DACH2: variants seen among roughly 807,000 people sequenced by gnomAD.
DACH2 encodes the protein dachshund family transcription factor 2, also known as dachshund homolog 2.
In DACH2, 17 loss-of-function variants were observed where a neutral mutation model predicts 35.8. The ratio of observed to expected loss-of-function variants is 0.48; its 90% CI spans 0.33 to 0.71. DACH2 has a LOEUF of 0.71. DACH2 is among the 30% of genes least tolerant of loss of function. The pLI is 0.02. For missense variants in DACH2, 469 were observed against 472.7 expected (o/e 0.99, Z 0.07); for synonymous variants, 195 against 177.3 (o/e 1.10, Z -0.79).
At chrX:86,647,972 T>C in intron 3 of DACH2, among the ~76,000 whole-genome samples, 1 of 111,017 alleles carries the variant, frequency 9.0e-6, no homozygotes, top group South Asian at 3.8e-4. Context: ...ATAATTACAG[T>C]GACTAGACAT....
intron 3 of DACH2, among the ~76,000 whole-genome samples, chrX:86,530,286 T>C (rs1296319432): frequency 8.9e-6 from 1 of 111,743 alleles, no homozygotes; most frequent in Non-Finnish European, 1.9e-5. Flanking sequence ...GATTTTCTGG[T>C]TTAAAAGTTT....
intron 5 of DACH2, among the ~76,000 whole-genome samples, chrX:86,712,382 T>A (rs5968975): frequency 0.28 from 30,712 of 110,566 alleles, 3,249 homozygotes; most frequent in East Asian, 0.48. Context: ...GAGTTCCACA[T>A]ACAAATGAGA....
intron 1 of DACH2, among the ~76,000 whole-genome samples, chrX:86,309,022 G>A (rs2034745969): frequency 9.0e-6 from 1 of 111,492 alleles, no homozygotes; most frequent in African/African-American, 3.3e-5. Context: ...GTAGGGTGAG[G>A]ACTAATTATG....
chrX:86,297,105 A>G (rs1295142568), intron 1 of DACH2, among the ~76,000 whole-genome samples: 1 of 107,082 alleles, frequency 9.3e-6, no homozygotes, highest in African/African-American at 3.4e-5. Context: ...AAACATTACA[A>G]TTGTACACAT....
intron 4 of DACH2, among the ~76,000 whole-genome samples, chrX:86,664,203 G>A (rs953152881): frequency 8.9e-6 from 1 of 111,812 alleles, no homozygotes; most frequent in Non-Finnish European, 1.9e-5. Context: ...ACTGAGCAAA[G>A]AACAAAGCAT....
intron 2 of DACH2, among the ~76,000 whole-genome samples, chrX:86,414,066 T>C (rs1024648447): frequency 1.5e-4 from 17 of 111,107 alleles, no homozygotes; most frequent in Middle Eastern, 4.6e-3. Context: ...ACTGCAAAAA[T>C]TGTCAGTAAG....
chrX:86,552,585 A>G (rs1038866849), intron 3 of DACH2, among the ~76,000 whole-genome samples: 6 of 112,101 alleles, frequency 5.4e-5, no homozygotes, highest in Non-Finnish European at 9.4e-5. Context: ...AAAAATTTGT[A>G]AGTAACAATG....
intron 2 of DACH2, among the ~76,000 whole-genome samples, chrX:86,429,247 A>G (rs2036943421): frequency 9.0e-6 from 1 of 111,653 alleles, no homozygotes; most frequent in Admixed American, 9.5e-5. Context: ...TAACAAAGTT[A>G]TATAGAGTGA....
At position 86,814,769 on chromosome X, in the gene DACH2, G is replaced by A. The variant is rs1473130495; in HGVS notation, c.1619G>A (p.Arg540Gln). 1.2e-5 allele frequency: 15 copies of A among 1,211,099 alleles called. No individual in the cohort carries two copies. The highest frequency in any genetic ancestry group is 1.7e-5 in the Non-Finnish European group (15 of 895,122). ...QEALEFESKRREQVEQALKQA... is the reference protein window; with the variant it reads ...QEALEFESKRQEQVEQALKQA... ...GCCTTGGAATTTGAATCAAAGCGCC[G>A]GGAGCAAGTGGAGCAGGCACTTAAG... Residue 540 changes from arginine to glutamine, a missense_variant, in exon 10 of 12, where the codon CGG becomes CAG. Coordinates refer to ENST00000373125, the MANE Select transcript of DACH2 (RefSeq NM_053281.3).
chrX:86,355,409 G>A (rs2035626275), intron 1 of DACH2, among the ~76,000 whole-genome samples: 1 of 112,290 alleles, frequency 8.9e-6, no homozygotes, highest in Non-Finnish European at 1.9e-5. Flanking sequence ...TGGCAGTTCT[G>A]TTTTATGATC....
intron 3 of DACH2, among the ~76,000 whole-genome samples, chrX:86,648,255 C>T (rs1204310483): frequency 9.0e-6 from 1 of 111,466 alleles, no homozygotes; most frequent in Non-Finnish European, 1.9e-5. Context: ...CTTTTAAATG[C>T]ATCTTTTCAT....
intron 3 of DACH2, among the ~76,000 whole-genome samples, chrX:86,610,213 G>A (rs955070295): frequency 1.8e-5 from 2 of 110,800 alleles, no homozygotes; most frequent in Non-Finnish European, 3.8e-5. Context: ...CAAAGGCAAA[G>A]CTGCCTCTTC....
At chrX:86,538,743 G>T (rs760644230) in intron 3 of DACH2, among the ~76,000 whole-genome samples, 1 of 111,328 alleles carries the variant, frequency 9.0e-6, no homozygotes, top group Non-Finnish European at 1.9e-5. Context: ...CCTCCCCTTA[G>T]GCCTCACTTC....
chrX:86,485,175 TTAATC>T (rs1177087704), intron 2 of DACH2, among the ~76,000 whole-genome samples: 2 of 112,138 alleles, frequency 1.8e-5, no homozygotes, highest in Admixed American at 1.9e-4. Context: ...TTTTTCCTCT[TTAATC>T]TTTCTATGCA....
intron 3 of DACH2, among the ~76,000 whole-genome samples, chrX:86,550,374 C>G (rs750959429): frequency 2.7e-5 from 3 of 110,687 alleles, no homozygotes; most frequent in Non-Finnish European, 5.7e-5. Flanking sequence ...TTCTTCATGG[C>G]AAGGTGGTAG....
At chrX:86,686,540 T>C (rs2040946293) in intron 4 of DACH2, among the ~76,000 whole-genome samples, 1 of 111,018 alleles carries the variant, frequency 9.0e-6, no homozygotes, top group African/African-American at 3.3e-5. Context: ...AATTGAAGGG[T>C]ATTTTTTTAA....
intron 2 of DACH2, among the ~76,000 whole-genome samples, chrX:86,406,163 G>C (rs780439665): frequency 9.0e-6 from 1 of 111,576 alleles, no homozygotes; most frequent in East Asian, 2.8e-4. Flanking sequence ...TGGCAGACTT[G>C]ATAAGAAAAA....
intron 2 of DACH2, among the ~76,000 whole-genome samples, chrX:86,454,409 C>T (rs1038301746): frequency 5.4e-5 from 6 of 111,842 alleles, no homozygotes; most frequent in African/African-American, 2.0e-4. Context: ...CTTTCAGGTA[C>T]CCCAATCAGT....
intron 7 of DACH2, among the ~76,000 whole-genome samples, chrX:86,792,761 T>C (rs1294398571): frequency 2.7e-5 from 3 of 112,051 alleles, no homozygotes; most frequent in Non-Finnish European, 5.7e-5. Flanking sequence ...ACATTTTCTT[T>C]ATCCATTCAT....
Sources: allele counts gnomAD v4.1 joint callset (sites outside exome capture counted in the v4.1 genomes callset), GRCh38; gene constraint gnomAD v4.1.1; transcripts MANE v1.5; gene names NCBI Gene and HGNC (gene_info 2026-07-23, HGNC 2026-07-21).